DACH2: variants seen among roughly 807,000 people sequenced by gnomAD.
DACH2 encodes the protein dachshund family transcription factor 2.
DACH2 carries 17 observed loss-of-function variants against 35.8 expected under a neutral mutation model. The ratio of observed to expected loss-of-function variants is 0.48; its 90% CI spans 0.33 to 0.71. The LOEUF (loss-of-function observed/expected upper bound fraction) is 0.71, where lower values mean the gene tolerates loss of function less well. Among genes scored for constraint, DACH2 ranks in the 30% least tolerant of loss-of-function variants. The pLI is 0.02. For synonymous variants in DACH2, 195 were observed against 177.3 expected (o/e 1.10, Z -0.79); for missense variants, 469 against 472.7 (o/e 0.99, Z 0.07).
At chrX:86,769,520 T>A (rs1293761770) in intron 7 of DACH2, among the ~76,000 whole-genome samples, 2 of 111,709 alleles carry the variant, frequency 1.8e-5, no homozygotes, top group African/African-American at 3.3e-5. Context: ...AGGTACCACA[T>A]TACCATTTTT....
chrX:86,215,829 T>G (rs1239748953), intron 1 of DACH2, among the ~76,000 whole-genome samples: 2 of 112,315 alleles, frequency 1.8e-5, no homozygotes, highest in African/African-American at 6.5e-5. Context: ...TTGACATATG[T>G]TAGATAGACT....
chrX:86,467,265 C>G (rs981863341), intron 2 of DACH2, among the ~76,000 whole-genome samples: 5 of 111,430 alleles, frequency 4.5e-5, no homozygotes, highest in Non-Finnish European at 9.4e-5. Context: ...TAATCTCTCT[C>G]AAGTTCACAG....
At chrX:86,307,138 G>T (rs1470140576) in intron 1 of DACH2, among the ~76,000 whole-genome samples, 1 of 111,792 alleles carries the variant, frequency 8.9e-6, no homozygotes. Flanking sequence ...GAATCTGGTT[G>T]TTGCTCCGAA....
chrX:86,340,063 A>G (rs2035387207), intron 1 of DACH2, among the ~76,000 whole-genome samples: 1 of 112,112 alleles, frequency 8.9e-6, no homozygotes, highest in Non-Finnish European at 1.9e-5. Flanking sequence ...CACTTACACA[A>G]TTAAGAAATA....
chrX:86,211,894 G>T (rs59143402), intron 1 of DACH2, among the ~76,000 whole-genome samples: 28 of 111,739 alleles, frequency 2.5e-4, no homozygotes, highest in African/African-American at 8.7e-4. Flanking sequence ...ATTTCTGTAT[G>T]TGCACTCTGT....
intron 1 of DACH2, among the ~76,000 whole-genome samples, chrX:86,299,793 G>A (rs766968676): frequency 1.8e-4 from 20 of 111,626 alleles, no homozygotes; most frequent in African/African-American, 6.2e-4. Flanking sequence ...TCCCCCTTTG[G>A]CCTCCTCCAT....
intron 2 of DACH2, among the ~76,000 whole-genome samples, chrX:86,417,931 G>A (rs920848473): frequency 8.9e-6 from 1 of 111,734 alleles, no homozygotes; most frequent in African/African-American, 3.3e-5. Flanking sequence ...AGATACAATG[G>A]GGGTAAAGGC....
intron 4 of DACH2, among the ~76,000 whole-genome samples, chrX:86,690,570 C>A (rs2040997434): frequency 9.0e-6 from 1 of 111,383 alleles, no homozygotes; most frequent in Non-Finnish European, 1.9e-5. Flanking sequence ...GAAAATGCAA[C>A]AAAAACAAAT....
At chrX:86,153,179 G>A (rs915263916) in intron 1 of DACH2, among the ~76,000 whole-genome samples, 6 of 110,993 alleles carry the variant, frequency 5.4e-5, no homozygotes, top group African/African-American at 2.0e-4. Flanking sequence ...AAACAAGAAA[G>A]TATGATTAAG....
At chrX:86,436,379 T>G (rs1602516471) in intron 2 of DACH2, among the ~76,000 whole-genome samples, 5 of 70,514 alleles carry the variant, frequency 7.1e-5, no homozygotes, top group African/African-American at 1.3e-4. Context: ...TATATATATA[T>G]ATATAGAGAG....
intron 7 of DACH2, among the ~76,000 whole-genome samples, chrX:86,755,412 C>G (rs761824655): frequency 4.4e-4 from 48 of 110,304 alleles, no homozygotes; most frequent in African/African-American, 1.5e-3. Context: ...GTGCAAAAAG[C>G]CTTTTAGTTT....
intron 4 of DACH2, among the ~76,000 whole-genome samples, chrX:86,678,430 T>C (rs2040843978): frequency 8.9e-6 from 1 of 112,432 alleles, no homozygotes. Flanking sequence ...AACATGTTAG[T>C]GAGAAAAGAA....
intron 2 of DACH2, among the ~76,000 whole-genome samples, chrX:86,465,639 G>T (rs2037653332): frequency 8.9e-6 from 1 of 112,104 alleles, no homozygotes; most frequent in African/African-American, 3.2e-5. Context: ...TATTACATCA[G>T]AAAGAGATCC....
chrX:86,404,126 T>C (rs1398193666), intron 2 of DACH2, among the ~76,000 whole-genome samples: 1 of 110,792 alleles, frequency 9.0e-6, no homozygotes, highest in Non-Finnish European at 1.9e-5. Context: ...CCATTCAAGA[T>C]GAGATTTTTG....
At chrX:86,428,719 C>A (rs1205399585) in intron 2 of DACH2, among the ~76,000 whole-genome samples, 5 of 109,388 alleles carry the variant, frequency 4.6e-5, no homozygotes, top group African/African-American at 1.7e-4. Flanking sequence ...AAGACTATAC[C>A]ATATGTTATT....
chrX:86,483,788 T>A (rs1602570703), intron 2 of DACH2, among the ~76,000 whole-genome samples: 1 of 110,184 alleles, frequency 9.1e-6, no homozygotes. Flanking sequence ...GCCGTAATCA[T>A]GTCACTGTAC....
At chrX:86,536,729 A>G (rs1057156110) in intron 3 of DACH2, among the ~76,000 whole-genome samples, 1 of 111,653 alleles carries the variant, frequency 9.0e-6, no homozygotes, top group African/African-American at 3.3e-5. Context: ...TATATGTATT[A>G]ATTTATGTCT....
chrX:86,512,871 C>T (rs765902496), intron 2 of DACH2: 6 of 325,715 alleles, frequency 1.8e-5, no homozygotes, highest in Non-Finnish European at 3.0e-5. Flanking sequence ...AAGGCAAACA[C>T]GGTAAAACAC....
intron 3 of DACH2, among the ~76,000 whole-genome samples, chrX:86,613,800 A>G (rs984541166): frequency 8.9e-6 from 1 of 111,790 alleles, no homozygotes; most frequent in South Asian, 3.7e-4. Context: ...GATCTATGGC[A>G]TAAGTCAGTC....
Sources: allele counts gnomAD v4.1 joint callset (sites outside exome capture counted in the v4.1 genomes callset), GRCh38; gene constraint gnomAD v4.1.1; transcripts MANE v1.5; gene names NCBI Gene and HGNC (gene_info 2026-07-23, HGNC 2026-07-21).